AK5: variants seen among roughly 807,000 people sequenced by gnomAD.
The protein encoded by AK5 is adenylate kinase isoenzyme 5.
A neutral mutation model predicts 69.5 loss-of-function variants in AK5; 27 were observed. That is an observed-to-expected ratio of 0.39 (90% confidence interval 0.29 to 0.54). The LOEUF is 0.54. Among genes scored for constraint, AK5 ranks in the 20% least tolerant of loss-of-function variants. AK5 has a pLI of 0.71. For missense variants in AK5, 531 were observed against 700.4 expected (o/e 0.76, Z 2.73); for synonymous variants, 260 against 244.4 (o/e 1.06, Z -0.60).
At chr1:77,308,457 AATC>A (rs754535170) in intron 5 of AK5, among the ~76,000 whole-genome samples, 23 of 52,144 alleles carry the variant, frequency 4.4e-4, no homozygotes, top group South Asian at 1.4e-3. Context: ...AAAAAAAAAA[AATC>A]TTTTTCTCAT....
At chr1:77,503,662 G>T (rs1301301157) in intron 10 of AK5, among the ~76,000 whole-genome samples, 3 of 152,144 alleles carry the variant, frequency 2.0e-5, no homozygotes, top group Non-Finnish European at 4.4e-5. Flanking sequence ...AGCACTTTGG[G>T]AGGCCGAGGC....
At chr1:77,478,024 C>T (rs952690188) in intron 8 of AK5, among the ~76,000 whole-genome samples, 2 of 152,136 alleles carry the variant, frequency 1.3e-5, no homozygotes, top group African/African-American at 4.8e-5. Context: ...TCTCCAAGAG[C>T]AGTAAGAGGA....
At chr1:77,482,686 G>A (rs1250546763) in intron 8 of AK5, among the ~76,000 whole-genome samples, 1 of 151,230 alleles carries the variant, frequency 6.6e-6, no homozygotes, top group Non-Finnish European at 1.5e-5. Flanking sequence ...GGCCCAAGTT[G>A]TTTGAACCCG....
Position 77,475,167 on chromosome 1 carries a change from GTATATATATATA to G in AK5, c.1060-8132_1060-8121del, listed in dbSNP as rs35137146. On this transcript the variant is annotated intron_variant, in intron 8 of 13. Coordinates refer to ENST00000354567, the MANE Select transcript of AK5 (RefSeq NM_174858.3). Reference sequence around the variant, plus strand: ...TTGCTAGGAGTATGTGTGTGTGCATGTATATATATATATATATATATATATATATGTGTGTGT... The same window carrying G: ...TTGCTAGGAGTATGTGTGTGTGCATGTATATATATATATATATGTGTGTGT... Among the ~76,000 whole-genome samples the G allele has an allele frequency of 5.0e-4, 45 of 89,946 alleles. No individual in the cohort carries two copies. In the East Asian group the frequency reaches 6.6e-3, roughly 13 times the overall value. 59.0% of individuals were successfully genotyped at this position (89,946 alleles called of 152,430 possible).
chr1:77,412,514 C>G lies in AK5; in HGVS notation c.982+1443C>G, dbSNP rs1650111837. Among the ~76,000 whole-genome samples, 3 of 152,152 alleles carry G rather than the reference C, an allele frequency of 2.0e-5. No homozygotes were observed. The South Asian group carries it at 6.2e-4, about 32-fold the overall frequency. ...AATAAGTTTGTTTTCTCTAAAACAG[C>G]CCTAGGTGAATAAAGTGCAGTAAAC... On this transcript the variant is annotated intron_variant, in intron 7 of 13. Coordinates refer to ENST00000354567, the MANE Select transcript of AK5 (RefSeq NM_174858.3).
At chr1:77,451,410 T>C (rs962059592) in intron 8 of AK5, among the ~76,000 whole-genome samples, 1 of 152,238 alleles carries the variant, frequency 6.6e-6, no homozygotes, top group South Asian at 2.1e-4. Flanking sequence ...TATAATTCTA[T>C]AGGAACACCA....
intron 5 of AK5, among the ~76,000 whole-genome samples, chr1:77,312,179 G>A (rs907028549): frequency 6.6e-6 from 1 of 152,106 alleles, no homozygotes; most frequent in African/African-American, 2.4e-5. Flanking sequence ...AATTCTATGA[G>A]GAAGTTGTTG....
chr1:77,439,092 C>T (rs978306570), intron 8 of AK5, among the ~76,000 whole-genome samples: 9 of 152,108 alleles, frequency 5.9e-5, no homozygotes, highest in African/African-American at 1.7e-4. Context: ...CTAAGGTGAG[C>T]TGACTTAGAT....
intron 5 of AK5, chr1:77,313,933 C>T (rs1426101741): frequency 9.9e-6 from 5 of 506,918 alleles, no homozygotes; most frequent in Admixed American, 2.1e-5. Context: ...TTGCCTCTGC[C>T]TGCCACATAT....
chr1:77,557,315 G>C (rs1180030862), intron 13 of AK5: 1 of 210,916 alleles, frequency 4.7e-6, no homozygotes, highest in Admixed American at 4.3e-5. Context: ...CAGAAGCTCT[G>C]GTTTCTCTTT....
chr1:77,301,660 G>A (rs1659348972), intron 5 of AK5, among the ~76,000 whole-genome samples: 1 of 152,090 alleles, frequency 6.6e-6, no homozygotes, highest in Non-Finnish European at 1.5e-5. Context: ...TTCTTCATCA[G>A]GTCTAGCTTT....
chr1:77,500,103 G>C (rs1656622168), intron 10 of AK5, among the ~76,000 whole-genome samples: 1 of 151,820 alleles, frequency 6.6e-6, no homozygotes, highest in African/African-American at 2.4e-5. Context: ...CCATCTCAGA[G>C]CCATAATGAT....
In AK5 at chr1:77,486,976, A is replaced by G. The variant is rs577148118; in HGVS notation, c.1147+624A>G. ...ACACATCTTTTCAGTTTAAACACTG[A>G]CCCCCTCCTTCCTAAACTGAATGCA... is the stretch of plus-strand genomic sequence containing the variant. On this transcript the variant is annotated intron_variant, in intron 10 of 13. Transcript: ENST00000354567. Among the ~76,000 whole-genome samples the G allele has an allele frequency of 5.9e-5, 9 of 152,066 alleles. No individual in the cohort carries two copies. The South Asian group carries it at 1.9e-3, about 32-fold the overall frequency.
chr1:77,451,404 A>G (rs1287256856), intron 8 of AK5, among the ~76,000 whole-genome samples: 1 of 152,190 alleles, frequency 6.6e-6, no homozygotes, highest in Non-Finnish European at 1.5e-5. Flanking sequence ...ATAAAATATA[A>G]TTCTATAGGA....
intron 5 of AK5, among the ~76,000 whole-genome samples, chr1:77,300,402 A>T (rs1179073926): frequency 6.6e-6 from 1 of 152,316 alleles, no homozygotes; most frequent in Non-Finnish European, 1.5e-5. Context: ...GTTCTTTGCC[A>T]CTGTGGGCAG....
intron 6 of AK5, among the ~76,000 whole-genome samples, chr1:77,391,988 T>C (rs949847655): frequency 2.0e-5 from 3 of 151,630 alleles, no homozygotes; most frequent in Non-Finnish European, 4.4e-5. Flanking sequence ...CTACAACAAA[T>C]GGACAGGTAC....
intron 8 of AK5, among the ~76,000 whole-genome samples, chr1:77,459,827 C>T (rs192006083): frequency 5.8e-4 from 88 of 152,276 alleles, no homozygotes; most frequent in Non-Finnish European, 1.0e-3. Context: ...CTACTGTGTA[C>T]ATTTTTCTAG....
intron 5 of AK5, among the ~76,000 whole-genome samples, chr1:77,316,300 C>T (rs1660241475): frequency 6.6e-6 from 1 of 152,028 alleles, no homozygotes; most frequent in South Asian, 2.1e-4. Context: ...GTGAGGCCTG[C>T]TGAAGCATGT....
At chr1:77,531,250 T>TGC (rs1658562659) in intron 12 of AK5, among the ~76,000 whole-genome samples, 1 of 151,936 alleles carries the variant, frequency 6.6e-6, no homozygotes, top group African/African-American at 2.4e-5. Context: ...ACCCAAAGAG[T>TGC]GAGCAGTAGC....
Sources: gnomAD v4.1 joint callset for allele counts (sites outside exome capture counted in the v4.1 genomes callset) on GRCh38, gnomAD v4.1.1 for gene constraint, MANE v1.5 for transcripts, NCBI Gene and HGNC (gene_info 2026-07-23, HGNC 2026-07-21) for gene names.